The following ATM variants were observed in gnomAD, a reference collection of about 807,000 sequenced individuals.
The protein encoded by ATM is serine-protein kinase ATM.
ATM carries 308 observed loss-of-function variants against 387.0 expected under a neutral mutation model. That is an observed-to-expected ratio of 0.80 (90% confidence interval 0.73 to 0.87). The LOEUF is 0.87. Among genes scored for constraint, ATM ranks in the 40% least tolerant of loss-of-function variants. ATM has a pLI of 0.00. For missense variants in ATM, 3,312 were observed against 3,560.9 expected (o/e 0.93, Z 1.78); for synonymous variants, 1,156 against 1,187.3 (o/e 0.97, Z 0.54).
At chr11:108,240,622 C>G (rs1214304843) in intron 5 of ATM, among the ~76,000 whole-genome samples, 5 of 152,182 alleles carry the variant, frequency 3.3e-5, no homozygotes, top group Admixed American at 2.0e-4. Flanking sequence ...ATTTGTGTCT[C>G]TAAACATATA....
intron 35 of ATM, among the ~76,000 whole-genome samples, 164 bp downstream of exon 35, chr11:108,301,953 T>C (rs754170033): frequency 6.6e-6 from 1 of 152,182 alleles, no homozygotes; most frequent in Admixed American, 6.5e-5. Context: ...AATGTGTTAT[T>C]TTTAATTTAT....
intron 61 of ATM, among the ~76,000 whole-genome samples, chr11:108,362,850 G>A (rs1441932955): frequency 6.6e-6 from 1 of 150,824 alleles, no homozygotes; most frequent in Non-Finnish European, 1.5e-5. Context: ...CCTAATGCTA[G>A]ATGACGAGTT....
At chr11:108,354,532 CAA>C (rs1489024066) in intron 60 of ATM, among the ~76,000 whole-genome samples, 1 of 152,194 alleles carries the variant, frequency 6.6e-6, no homozygotes, top group African/African-American at 2.4e-5. Context: ...CCACAATAAT[CAA>C]AGACTGAGAG....
chr11:108,319,853 A>T, intron 43 of ATM, 101 bp from the exon 44 acceptor site: 1 of 797,568 alleles, frequency 1.3e-6, no homozygotes, highest in Non-Finnish European at 2.1e-6. Context: ...AGAATGGAGA[A>T]ATGTTAATTT....
In ATM at chr11:108,289,094, C is replaced by A. The variant is rs1555097018; in HGVS notation, c.4227C>A (p.Ser1409=). ...TKLKSILEIL[S]KSPDSYQKIL... is the part of the protein sequence containing the mutation. Reference sequence around the variant, plus strand: ...TAAAAAGCATTTTAGAAATTCTTTCCAAAAGCCCTGTAAGTATACATGATG... The same window carrying A: ...TAAAAAGCATTTTAGAAATTCTTTCAAAAAGCCCTGTAAGTATACATGATG... The change falls in exon 28 of 63, where the codon TCC becomes TCA. Residue 1409 remains serine, a synonymous_variant. Transcript: ENST00000675843. 3 of 1,608,446 alleles carry A rather than the reference C, an allele frequency of 1.9e-6. No individual in the cohort carries two copies. The highest frequency in any genetic ancestry group is 1.1e-5 in the South Asian group (1 of 90,884).
intron 29 of ATM, among the ~76,000 whole-genome samples, chr11:108,292,021 G>C (rs2082823265): frequency 1.3e-5 from 2 of 152,192 alleles, no homozygotes; most frequent in Non-Finnish European, 2.9e-5. Context: ...TGCACCTGCA[G>C]GTTGTTGGTC....
intron 1 of ATM, 123 bp downstream of exon 1, chr11:108,223,309 C>T (rs1392790075): frequency 1.3e-5 from 2 of 153,310 alleles, no homozygotes; most frequent in African/African-American, 4.8e-5. Flanking sequence ...TTGACTCCTC[C>T]CTCTCCTCAC....
chr11:108,359,320 G>A (rs1023612703), intron 61 of ATM, among the ~76,000 whole-genome samples: 81 of 151,956 alleles, frequency 5.3e-4, no homozygotes, highest in Admixed American at 1.6e-3. Flanking sequence ...CCTACAAAGA[G>A]ACTTAGAATC....
At chr11:108,327,522 C>CT (rs553744385) in intron 47 of ATM, 123 bp from the exon 48 acceptor site, 271 of 735,472 alleles carry the variant, frequency 3.7e-4, no homozygotes, top group Non-Finnish European at 4.9e-4. Context: ...TGAGGAAAAA[C>CT]TTTTTTTTTC....
At chr11:108,350,750 A>C (rs2089090759) in intron 59 of ATM, among the ~76,000 whole-genome samples, 1 of 152,180 alleles carries the variant, frequency 6.6e-6, no homozygotes, top group Admixed American at 6.5e-5. Flanking sequence ...TCTGAGAATG[A>C]AAGGAGAGTG....
At chr11:108,354,944 C>A in intron 61 of ATM, 70 bp downstream of exon 61, 2 of 1,287,518 alleles carry the variant, frequency 1.6e-6, no homozygotes, top group South Asian at 1.2e-5. Flanking sequence ...ATCAGGAAGT[C>A]ACTGATGTGA....
intron 54 of ATM, among the ~76,000 whole-genome samples, chr11:108,334,172 C>T (rs551801436): frequency 6.6e-6 from 1 of 152,146 alleles, no homozygotes; most frequent in African/African-American, 2.4e-5. Context: ...TTTTCCATTG[C>T]CTTCTGTTCT....
In ATM at chr11:108,244,959, C is replaced by T. The variant is rs2079769316; in HGVS notation, c.834C>T (p.Val278=). Residue 278 remains valine (V), a synonymous_variant, in exon 7 of 63, where the codon GTC becomes GTT. Coordinates refer to ENST00000675843, the MANE Select transcript of ATM (RefSeq NM_000051.4). ...GGCTTAATGATTCTTTAAAAGAAGT[C>T]ATTATTGAATTATTTCAACTGCAAA... The part of the protein sequence containing the change: ...QHRLNDSLKE[V]IIELFQLQIY... The T allele has an allele frequency of 3.1e-6, 5 of 1,612,934 alleles. No homozygotes were observed. Among genetic ancestry groups the T allele is most frequent in the Non-Finnish European group, 4.2e-6 (5 of 1,179,708 alleles).
chr11:108,357,537 A>G (rs1365029672), intron 61 of ATM, among the ~76,000 whole-genome samples: 2 of 152,238 alleles, frequency 1.3e-5, no homozygotes, highest in Non-Finnish European at 2.9e-5. Context: ...GCAGACTTAA[A>G]TGTCCCTGTC....
intron 16 of ATM, 90 bp from the exon 17 acceptor site, chr11:108,267,079 AGC>A: frequency 7.7e-7 from 1 of 1,291,420 alleles, no homozygotes; most frequent in South Asian, 1.2e-5. Context: ...TACAGATGTG[AGC>A]CACTGTGCCC....
At position 108,321,085 on chromosome 11, in the gene ATM, A is replaced by G. The variant is rs781374675; in HGVS notation, c.6453-216A>G. 3.4e-4 allele frequency among the ~76,000 whole-genome samples: 51 copies of G among 152,052 alleles called. 1 individual carries two copies. Among genetic ancestry groups the G allele is most frequent in the Admixed American group, 1.2e-3 (18 of 15,254 alleles). ...TCTCAGGGGTGGCAAGGTGGGAGAA[A>G]CTCTGAGTGTAAGTGGACCATGCAT... On this transcript the variant is annotated intron_variant, in intron 44 of 62. Coordinates refer to ENST00000675843, the MANE Select transcript of ATM (RefSeq NM_000051.4).
intron 9 of ATM, among the ~76,000 whole-genome samples, chr11:108,250,180 G>A (rs1382849251): frequency 2.7e-5 from 4 of 150,396 alleles, no homozygotes; most frequent in East Asian, 1.9e-4. Flanking sequence ...TGAGACGGAG[G>A]CTCACTCTGT....
chr11:108,308,824 C>T, intron 38 of ATM: 2 of 553,580 alleles, frequency 3.6e-6, no homozygotes, highest in South Asian at 5.0e-5. Flanking sequence ...TTATGCTTTT[C>T]AGTGTCTTTG....
intron 33 of ATM, among the ~76,000 whole-genome samples, chr11:108,299,017 G>A (rs905682905): frequency 3.9e-5 from 6 of 152,136 alleles, no homozygotes; most frequent in African/African-American, 9.7e-5. Context: ...TTTGTTAGAC[G>A]TGAGTCACTA....
Sources: allele counts gnomAD v4.1 joint callset (sites outside exome capture counted in the v4.1 genomes callset), GRCh38; gene constraint gnomAD v4.1.1; transcripts MANE v1.5; gene names NCBI Gene and HGNC (gene_info 2026-07-23, HGNC 2026-07-21).